SEZ6L: variants seen among roughly 807,000 people sequenced by gnomAD.
SEZ6L encodes seizure related 6 homolog like.
In SEZ6L, 37 loss-of-function variants were observed where a neutral mutation model predicts 106.2. The ratio of observed to expected loss-of-function variants is 0.35; its 90% CI spans 0.27 to 0.46. The LOEUF (loss-of-function observed/expected upper bound fraction) is 0.46. Among genes scored for constraint, SEZ6L ranks in the 20% least tolerant of loss-of-function variants. SEZ6L has a pLI of 1.00. For missense variants in SEZ6L, 1,172 were observed against 1,332.8 expected (o/e 0.88, Z 1.88); for synonymous variants, 541 against 570.4 (o/e 0.95, Z 0.73).
intron 1 of SEZ6L, among the ~76,000 whole-genome samples, chr22:26,284,884 G>T (rs942507073): frequency 6.6e-6 from 1 of 152,084 alleles, no homozygotes; most frequent in African/African-American, 2.4e-5. Context: ...TCTTGAACAA[G>T]TCACTTCCCC....
intron 1 of SEZ6L, among the ~76,000 whole-genome samples, chr22:26,281,512 A>C (rs539109514): frequency 1.6e-4 from 24 of 151,546 alleles, no homozygotes; most frequent in Non-Finnish European, 2.7e-4. Context: ...GTAGCTGGGA[A>C]TACAGGCGCC....
intron 1 of SEZ6L, among the ~76,000 whole-genome samples, chr22:26,292,059 GGAAAT>G (rs1170131024): frequency 6.9e-6 from 1 of 145,434 alleles, no homozygotes; most frequent in African/African-American, 2.6e-5. Flanking sequence ...AAAGAAGGAA[GGAAAT>G]GAAGGAAGAA....
intron 1 of SEZ6L, among the ~76,000 whole-genome samples, chr22:26,271,264 G>T (rs1455659347): frequency 6.6e-6 from 1 of 152,210 alleles, no homozygotes; most frequent in African/African-American, 2.4e-5. Flanking sequence ...TAGGAAAGCA[G>T]CTGTCTAGAT....
At chr22:26,341,365 T>C (rs559111271) in intron 10 of SEZ6L, among the ~76,000 whole-genome samples, 76 of 152,056 alleles carry the variant, frequency 5.0e-4, no homozygotes, top group Admixed American at 1.6e-3. Context: ...CCCTTCTCAT[T>C]CCCCACCCTG....
intron 1 of SEZ6L, among the ~76,000 whole-genome samples, chr22:26,214,698 G>C (rs557529524): frequency 3.3e-5 from 5 of 152,158 alleles, no homozygotes; most frequent in Admixed American, 6.5e-5. Context: ...TTTGGCGCCA[G>C]TTGGCCCAGA....
At chr22:26,334,330 T>C (rs922829228) in intron 9 of SEZ6L, among the ~76,000 whole-genome samples, 2 of 152,196 alleles carry the variant, frequency 1.3e-5, no homozygotes, top group Non-Finnish European at 2.9e-5. Flanking sequence ...GCCTTCTTTC[T>C]CTGTGGATTT....
At chr22:26,327,744 G>A (rs903173971) in intron 9 of SEZ6L, among the ~76,000 whole-genome samples, 2 of 152,042 alleles carry the variant, frequency 1.3e-5, no homozygotes, top group Non-Finnish European at 2.9e-5. Flanking sequence ...CACACATACT[G>A]CCACATACAC....
intron 1 of SEZ6L, among the ~76,000 whole-genome samples, chr22:26,226,773 C>T (rs1367222301): frequency 6.6e-6 from 1 of 152,226 alleles, no homozygotes; most frequent in Non-Finnish European, 1.5e-5. Context: ...TAAGCAGAAG[C>T]TGCCAGCTGA....
chr22:26,266,713 T>C (rs1435853439), intron 1 of SEZ6L, among the ~76,000 whole-genome samples: 1 of 152,154 alleles, frequency 6.6e-6, no homozygotes, highest in Non-Finnish European at 1.5e-5. Flanking sequence ...TGCCATGCTT[T>C]ATTCAAGTCT....
At chr22:26,281,535 C>T (rs2080768898) in intron 1 of SEZ6L, among the ~76,000 whole-genome samples, 1 of 149,506 alleles carries the variant, frequency 6.7e-6, no homozygotes, top group Non-Finnish European at 1.5e-5. Context: ...CCACCATGGC[C>T]GGCTACTTTT....
chr22:26,241,105 T>G (rs527641145), intron 1 of SEZ6L, among the ~76,000 whole-genome samples: 1 of 152,262 alleles, frequency 6.6e-6, no homozygotes, highest in South Asian at 2.1e-4. Context: ...ATGAGATATG[T>G]TACGTGTTAT....
At chr22:26,300,144 G>A (rs1274139116) in intron 5 of SEZ6L, among the ~76,000 whole-genome samples, 1 of 130,790 alleles carries the variant, frequency 7.6e-6, no homozygotes, top group Non-Finnish European at 1.7e-5. Context: ...TGTCTAGTCA[G>A]GTCCTTTGCC....
In SEZ6L at chr22:26,351,195, C is replaced by T. The variant is rs369993825; in HGVS notation, c.2551C>T (p.Arg851Cys). 10 of 1,614,056 alleles carry T rather than the reference C, an allele frequency of 6.2e-6. No individual in the cohort carries two copies. The highest frequency in any genetic ancestry group is 7.6e-6 in the Non-Finnish European group (9 of 1,180,030). ...EGSSLLTCYS[R>C]ETGTPIWTSR... ...GAGTTCTCTTCTGACCTGCTACAGC[C>T]GTGAAACAGGGACTCCCATCTGGAC... Residue 851 changes from arginine (R) to cysteine (C), a missense_variant, in exon 12 of 17, where the codon CGT (arginine) becomes TGT (cysteine). Arg to Cys is a radical substitution (Grantham distance 180). Coordinates refer to ENST00000248933, the MANE Select transcript of SEZ6L (RefSeq NM_021115.5).
chr22:26,287,442 T>C (rs973498015), intron 1 of SEZ6L, among the ~76,000 whole-genome samples: 4 of 152,104 alleles, frequency 2.6e-5, no homozygotes, highest in African/African-American at 9.7e-5. Context: ...CTGTACGTGA[T>C]AAAGGAAGAA....
In SEZ6L at chr22:26,315,682, T is replaced by TG. The variant is rs574866527; in HGVS notation, c.2015+1785dup. Among the ~76,000 whole-genome samples, 16 of 152,248 alleles carry TG rather than the reference T, an allele frequency of 1.1e-4. No homozygotes were observed. In the East Asian group the frequency reaches 3.1e-3, roughly 29 times the overall value. On this transcript the variant is annotated intron_variant, in intron 9 of 16. Coordinates refer to ENST00000248933, the MANE Select transcript of SEZ6L (RefSeq NM_021115.5). ...GGACCTCAATTTTTCTCTCCTGTAA[T>TG]GGGGGTCTTGGAACATCAGTGCTTT...
At chr22:26,232,877 G>A (rs543615394) in intron 1 of SEZ6L, among the ~76,000 whole-genome samples, 10 of 152,322 alleles carry the variant, frequency 6.6e-5, no homozygotes, top group African/African-American at 1.2e-4. Context: ...ACACGGGGAC[G>A]ATGTCAGAAA....
At chr22:26,292,096 GA>G (rs1218560119) in intron 1 of SEZ6L, among the ~76,000 whole-genome samples, 28 of 134,644 alleles carry the variant, frequency 2.1e-4, no homozygotes, top group Admixed American at 4.9e-4. Flanking sequence ...AAGGAAGAAA[GA>G]AAAAAATGGA....
intron 12 of SEZ6L, among the ~76,000 whole-genome samples, chr22:26,357,850 C>T (rs1342555673): frequency 6.6e-6 from 1 of 152,154 alleles, no homozygotes; most frequent in Non-Finnish European, 1.5e-5. Context: ...AGGTAACCAT[C>T]CCAAAGACAT....
intron 2 of SEZ6L, 40 bp downstream of exon 2, chr22:26,293,186 C>T: frequency 1.4e-6 from 2 of 1,468,468 alleles, no homozygotes; most frequent in Non-Finnish European, 1.8e-6. Context: ...CTGAAACAGC[C>T]ATGAGGCACT....
Sources: allele counts gnomAD v4.1 joint callset (sites outside exome capture counted in the v4.1 genomes callset), GRCh38; gene constraint gnomAD v4.1.1; transcripts MANE v1.5; gene names NCBI Gene and HGNC (gene_info 2026-07-23, HGNC 2026-07-21).